Variants in LINC00632 observed in about 807,000 individuals in gnomAD.
The protein encoded by LINC00632 is long independently transcribed non-coding RNA 632.
exon 5 of LINC00632, among the ~76,000 whole-genome samples, chrX:140,775,972 T>C (rs1224684596): frequency 9.0e-6 from 1 of 111,025 alleles, no homozygotes; most frequent in African/African-American, 3.3e-5. Context: ...CAAATGAAAC[T>C]AGCATCAGAA....
chrX:140,784,892 A>C (rs1931994435), exon 5 of LINC00632: 1 of 127,536 alleles, frequency 7.8e-6, no homozygotes, highest in Admixed American at 8.7e-5. Context: ...TGTGTTTTTT[A>C]CTATTAGGAA....
intron 2 of LINC00632, among the ~76,000 whole-genome samples, chrX:140,721,461 C>A (rs1179541471): frequency 9.0e-6 from 1 of 111,383 alleles, no homozygotes; most frequent in African/African-American, 3.3e-5. Flanking sequence ...ATTAGATTCT[C>A]ATAAGGAGTG....
At chrX:140,724,933 TAC>T (rs1231512070) in intron 2 of LINC00632, among the ~76,000 whole-genome samples, 3 of 3,533 alleles carry the variant, frequency 8.5e-4, no homozygotes, top group African/African-American at 2.0e-3. Context: ...ACATTCCGTA[TAC>T]ACACACAGAC....
rs140128830 is a variant in LINC00632, at chrX:140,752,422, G to C, written n.191+18458G>C. On this transcript the variant is annotated intron_variant and non_coding_transcript_variant, in intron 3 of 4. Coordinates refer to ENST00000648200, the Ensembl canonical transcript of LINC00632. ...AGTCATTTGCTTATATCTTCACAAT[G>C]TGGTACATGAATATGGCCAGGTTAA... is the stretch of plus-strand genomic sequence containing the variant. Among the ~76,000 whole-genome samples, 458 of 111,747 alleles carry C rather than the reference G, an allele frequency of 4.1e-3. 1 individual carries two copies. The highest frequency in any genetic ancestry group is 0.014 in the African/African-American group (438 of 30,786).
intron 2 of LINC00632, among the ~76,000 whole-genome samples, chrX:140,720,010 C>A (rs759306909): frequency 9.3e-6 from 1 of 107,583 alleles, no homozygotes; most frequent in South Asian, 4.3e-4. Context: ...TCGCTTGAAC[C>A]TGGGAGGCGG....
chrX:140,779,872 C>T (rs1931912051), exon 5 of LINC00632, among the ~76,000 whole-genome samples: 1 of 111,462 alleles, frequency 9.0e-6, no homozygotes, highest in Non-Finnish European at 1.9e-5. Flanking sequence ...AGATCTTTGC[C>T]ACTGACTTCT....
At chrX:140,743,331 G>A (rs1315155462) in intron 3 of LINC00632, among the ~76,000 whole-genome samples, 1 of 106,138 alleles carries the variant, frequency 9.4e-6, no homozygotes, top group South Asian at 4.1e-4. Flanking sequence ...ACAGGGACAC[G>A]CAGATGAGAG....
chrX:140,716,003 T>A (rs1350188495), intron 2 of LINC00632: 1 of 112,506 alleles, frequency 8.9e-6, no homozygotes, highest in Admixed American at 9.5e-5. Flanking sequence ...ATAGATTGCT[T>A]CCACAATGCA....
In LINC00632 at chrX:140,723,361, C is replaced by CACACACACATTCCAT. The variant is rs754543897; in HGVS notation, n.105-10453_105-10439dup. On this transcript the variant is annotated intron_variant and non_coding_transcript_variant, in intron 2 of 4. Transcript: ENST00000648200. ...AGACACATATTCGATACATTCCACA[C>CACACACACATTCCAT]ACACACACATTCCATACACACACAT... Among the ~76,000 whole-genome samples, 71 of 49,293 alleles carry CACACACACATTCCAT rather than the reference C, an allele frequency of 1.4e-3. 2 individuals carry two copies. Among genetic ancestry groups the CACACACACATTCCAT allele is most frequent in the African/African-American group, 4.8e-3 (62 of 12,835 alleles). The allele number at this position is 49,293 out of a possible 115,157, so 42.8% of individuals were successfully genotyped here. A position where few individuals can be genotyped will look rare whatever the true frequency, so the allele number is the denominator to read the frequency against.
intron 3 of LINC00632, among the ~76,000 whole-genome samples, chrX:140,756,704 A>G (rs1931499791): frequency 8.9e-6 from 1 of 112,260 alleles, no homozygotes; most frequent in South Asian, 3.7e-4. Flanking sequence ...CATTATTTTC[A>G]ATTTAGTTAA....
chrX:140,789,918 A>G (rs1932081890), exon 5 of LINC00632, among the ~76,000 whole-genome samples: 2 of 111,465 alleles, frequency 1.8e-5, no homozygotes, highest in Admixed American at 1.9e-4. Context: ...GCTATTTACT[A>G]TAAAGAAGAT....
At chrX:140,740,424 G>A (rs1931207254) in intron 3 of LINC00632, among the ~76,000 whole-genome samples, 1 of 111,350 alleles carries the variant, frequency 9.0e-6, no homozygotes, top group East Asian at 2.8e-4. Context: ...TTCACAGGAA[G>A]TACATTATCT....
chrX:140,742,717 G>A (rs913690586), intron 3 of LINC00632, among the ~76,000 whole-genome samples: 22 of 109,510 alleles, frequency 2.0e-4, no homozygotes, highest in Admixed American at 1.1e-3. Context: ...ATTCCGGCAC[G>A]ACAACAAGGT....
exon 5 of LINC00632, among the ~76,000 whole-genome samples, chrX:140,778,332 C>T (rs996085616): frequency 1.8e-5 from 2 of 112,198 alleles, no homozygotes; most frequent in Admixed American, 9.4e-5. Flanking sequence ...TTTGGCTGGG[C>T]GTGGTGGCTC....
At chrX:140,779,115 GTTTC>G (rs1294548251) in exon 5 of LINC00632, among the ~76,000 whole-genome samples, 4 of 111,464 alleles carry the variant, frequency 3.6e-5, no homozygotes, top group Non-Finnish European at 7.5e-5. Context: ...CAAAGCTGAG[GTTTC>G]TTTTAGTATG....
intron 2 of LINC00632, among the ~76,000 whole-genome samples, chrX:140,732,636 T>C (rs1931078260): frequency 8.9e-6 from 1 of 111,935 alleles, no homozygotes; most frequent in Non-Finnish European, 1.9e-5. Flanking sequence ...GATGCATTTA[T>C]AGACTTAATC....
chrX:140,716,913 C>G (rs1165502122), intron 2 of LINC00632, among the ~76,000 whole-genome samples: 1 of 111,157 alleles, frequency 9.0e-6, no homozygotes, highest in Non-Finnish European at 1.9e-5. Context: ...TACCCCTGCT[C>G]TTCACAAACA....
At chrX:140,784,487 C>T in exon 5 of LINC00632, 2 of 840,076 alleles carry the variant, frequency 2.4e-6, no homozygotes, top group South Asian at 5.0e-5. Flanking sequence ...CTTCCAGCAT[C>T]TGCTCGTCTT....
chrX:140,746,548 C>T (rs1167908273), intron 3 of LINC00632, among the ~76,000 whole-genome samples: 1 of 112,232 alleles, frequency 8.9e-6, no homozygotes, highest in South Asian at 3.7e-4. Flanking sequence ...TGTGAAGTTA[C>T]ATTTTGAGAA....
Sources: gnomAD v4.1 joint callset for allele counts (sites outside exome capture counted in the v4.1 genomes callset) on GRCh38, gnomAD v4.1.1 for gene constraint, MANE v1.5 for transcripts, NCBI Gene and HGNC (gene_info 2026-07-23, HGNC 2026-07-21) for gene names.